Variants in R3HDM1 observed in about 807,000 individuals in gnomAD.
R3HDM1 encodes R3H domain-containing protein 1.
R3HDM1 carries 46 observed loss-of-function variants against 141.1 expected under a neutral mutation model. The ratio of observed to expected loss-of-function variants is 0.33; its 90% CI spans 0.26 to 0.42. R3HDM1 has a LOEUF of 0.42. R3HDM1 is among the 10% of genes least tolerant of loss of function. R3HDM1 has a pLI of 1.00. For missense variants in R3HDM1, 1,184 were observed against 1,368.3 expected (o/e 0.87, Z 2.12); for synonymous variants, 435 against 472.9 (o/e 0.92, Z 1.04).
chr2:135,596,084 C>G (rs142603401), intron 1 of R3HDM1, among the ~76,000 whole-genome samples: 1 of 152,066 alleles, frequency 6.6e-6, no homozygotes, highest in East Asian at 1.9e-4. Context: ...CTGCAACCTC[C>G]GCCTCCCAGG....
chr2:135,614,815 C>T (rs1038075853), intron 3 of R3HDM1, among the ~76,000 whole-genome samples: 1 of 149,306 alleles, frequency 6.7e-6, no homozygotes. Flanking sequence ...TTTTCTCTCT[C>T]TTTTTTTTTT....
intron 19 of R3HDM1, among the ~76,000 whole-genome samples, chr2:135,673,145 C>G (rs1421790965): frequency 6.6e-6 from 1 of 152,142 alleles, no homozygotes; most frequent in South Asian, 2.1e-4. Context: ...TGGAAATTTA[C>G]TCATGCAGCT....
At chr2:135,598,659 G>A (rs1451332015) in intron 1 of R3HDM1, among the ~76,000 whole-genome samples, 1 of 152,134 alleles carries the variant, frequency 6.6e-6, no homozygotes, top group Non-Finnish European at 1.5e-5. Flanking sequence ...TCTGTTGTAG[G>A]ACAGAGTGAT....
chr2:135,544,267 A>G (rs1450055010), intron 1 of R3HDM1, among the ~76,000 whole-genome samples: 2 of 152,236 alleles, frequency 1.3e-5, no homozygotes, highest in African/African-American at 4.8e-5. Flanking sequence ...CTTATGTAGT[A>G]AAAACACATC....
rs79017323 is a variant in R3HDM1, at chr2:135,697,518, T to C, written c.2460-11915T>C. On this transcript the variant is annotated intron_variant, in intron 21 of 26. Coordinates refer to ENST00000683871, the MANE Select transcript of R3HDM1 (RefSeq NM_001378107.1). ...TGGAAGTAATCCAAATAAAATGGAATAGAATGTGTAAGTATATTTTGATGT... is the reference window on the plus strand; with the variant it reads ...TGGAAGTAATCCAAATAAAATGGAACAGAATGTGTAAGTATATTTTGATGT... Among the ~76,000 whole-genome samples, 1,624 of 152,316 alleles carry C rather than the reference T, an allele frequency of 0.011. 99 individuals carry two copies. In the East Asian group the frequency reaches 0.19, roughly 18 times the overall value.
At chr2:135,666,614 A>G (rs1001518505) in intron 19 of R3HDM1, among the ~76,000 whole-genome samples, 1 of 152,222 alleles carries the variant, frequency 6.6e-6, no homozygotes, top group Non-Finnish European at 1.5e-5. Context: ...ATAGTTCTTT[A>G]AATAGCTGTG....
At chr2:135,699,099 A>ATAGATAGATAGATAGATAGAT (rs2073863289) in intron 21 of R3HDM1, among the ~76,000 whole-genome samples, 2 of 151,582 alleles carry the variant, frequency 1.3e-5, no homozygotes. Flanking sequence ...AGATAGATAG[A>ATAGATAGATAGATAGATAGAT]TAGATTAGAT....
chr2:135,609,312 G>C (rs1405491267), intron 3 of R3HDM1, among the ~76,000 whole-genome samples: 2 of 152,070 alleles, frequency 1.3e-5, no homozygotes, highest in African/African-American at 4.8e-5. Flanking sequence ...ATATTTTATA[G>C]AAATTTTAGG....
At position 135,724,268 on chromosome 2, in the gene R3HDM1, T is replaced by G; in HGVS notation, c.3381T>G (p.Ile1127Met). ...RTSKKHYDFH[I>M]LERASSQ ...GCAAGAAGCACTATGACTTTCACAT[T>G]TTGGAAAGGGCAAGTTCTCAGTAAC... Residue 1127 changes from isoleucine (I) to methionine (M), a missense_variant, in exon 27 of 27, where the codon ATT becomes ATG. Ile to Met is a conservative substitution (Grantham distance 10). Transcript: ENST00000683871. The G allele has an allele frequency of 6.2e-7, 1 of 1,612,756 alleles. No individual in the cohort carries two copies. The highest frequency in any genetic ancestry group is 8.5e-7 in the Non-Finnish European group (1 of 1,179,310).
intron 3 of R3HDM1, chr2:135,605,369 A>G (rs553603884): frequency 1.9e-4 from 31 of 165,518 alleles, no homozygotes; most frequent in African/African-American, 7.2e-4. Flanking sequence ...AGAATACAAT[A>G]AAACTGCAGA....
chr2:135,561,289 T>C lies in R3HDM1; in HGVS notation c.-250+29656T>C, dbSNP rs1166934493. The C allele has an allele frequency of 3.0e-6, 3 of 985,058 alleles. No individual in the cohort carries two copies. In the East Asian group the frequency reaches 3.4e-4, roughly 112 times the overall value. The allele number at this position is 985,058 out of a possible 1,614,324, so 61.0% of individuals were successfully genotyped here. On this transcript the variant is annotated intron_variant, in intron 1 of 26. Transcript: ENST00000683871. The stretch of plus-strand genomic sequence containing the variant: ...GCCAAAGTCCTGATTACATTTTATC[T>C]GTTGGTTCCAATTTTGCCTTCGGAT...
chr2:135,544,522 G>A (rs749483730), intron 1 of R3HDM1, among the ~76,000 whole-genome samples: 55 of 152,242 alleles, frequency 3.6e-4, no homozygotes, highest in Non-Finnish European at 7.8e-4. Flanking sequence ...GTAAAGGAAA[G>A]GGAAGGGCTA....
At chr2:135,626,252 T>C (rs1034535794) in intron 7 of R3HDM1, among the ~76,000 whole-genome samples, 23 of 114,714 alleles carry the variant, frequency 2.0e-4, no homozygotes, top group African/African-American at 1.0e-3. Context: ...TGCTTGCTGG[T>C]GGAGAGAAAT....
intron 2 of R3HDM1, among the ~76,000 whole-genome samples, chr2:135,603,687 AAC>A (rs1294902736): frequency 6.6e-6 from 1 of 152,136 alleles, no homozygotes; most frequent in Non-Finnish European, 1.5e-5. Flanking sequence ...AGCTCACTGG[AAC>A]ACACGCCTTT....
chr2:135,682,099 CAGTT>C (rs1374858250), intron 21 of R3HDM1, among the ~76,000 whole-genome samples: 2 of 149,096 alleles, frequency 1.3e-5, no homozygotes, highest in Non-Finnish European at 3.0e-5. Context: ...TCCAAACTGT[CAGTT>C]AGAGGCAGAA....
intron 1 of R3HDM1, among the ~76,000 whole-genome samples, chr2:135,600,162 G>T (rs915207198): frequency 4.6e-5 from 5 of 107,980 alleles, no homozygotes; most frequent in African/African-American, 1.9e-4. Flanking sequence ...GCCTAGGCTT[G>T]TCTTGAACTC....
Position 135,651,680 on chromosome 2 carries a change from T to G in R3HDM1, c.1726-50T>G, listed in dbSNP as rs572128709. On this transcript the variant is annotated intron_variant, in intron 17 of 26. Transcript: ENST00000683871. ...TAGGAAGTATTTTTCTTTGATAAGT[T>G]TGGCCTATGTGTAGAAGGCTTACTA... 2,395 of 1,523,844 alleles carry G rather than the reference T, an allele frequency of 1.6e-3. 6 individuals carry two copies. Among genetic ancestry groups the G allele is most frequent in the Middle Eastern group, 2.3e-3 (13 of 5,670 alleles). The allele number at this position is 1,523,844 out of a possible 1,614,324, so 94.4% of individuals were successfully genotyped here.
chr2:135,710,281 C>T, intron 23 of R3HDM1, 50 bp downstream of exon 23: 2 of 1,539,872 alleles, frequency 1.3e-6, no homozygotes, highest in East Asian at 2.3e-5. Flanking sequence ...TTTTTGTTAC[C>T]TAAGATTGAC....
chr2:135,607,364 A>G, intron 3 of R3HDM1: 1 of 977,914 alleles, frequency 1.0e-6, no homozygotes, highest in Non-Finnish European at 1.2e-6. Context: ...TGTACCAGAC[A>G]CCAGGTTAGA....
Sources: gnomAD v4.1 joint callset for allele counts (sites outside exome capture counted in the v4.1 genomes callset) on GRCh38, gnomAD v4.1.1 for gene constraint, MANE v1.5 for transcripts, NCBI Gene and HGNC (gene_info 2026-07-23, HGNC 2026-07-21) for gene names.